Variants in RBFOX1 observed in about 807,000 individuals in gnomAD.
RBFOX1 encodes RNA binding protein fox-1 homolog 1.
In RBFOX1, 8 loss-of-function variants were observed where a neutral mutation model predicts 57.7. The ratio of observed to expected loss-of-function variants is 0.14; its 90% confidence interval spans 0.08 to 0.25. The LOEUF (loss-of-function observed/expected upper bound fraction) is 0.25, where lower values mean the gene tolerates loss of function less well. Ranked by LOEUF, RBFOX1 falls within the 10% of genes least tolerant of loss-of-function variation. The pLI is 1.00. For missense variants in RBFOX1, 611 were observed against 548.5 expected (o/e 1.11, Z -1.14); for synonymous variants, 326 against 222.4 (o/e 1.47, Z -4.15).
At chr16:5,288,190 C>G (rs1476135508) in intron 1 of RBFOX1, among the ~76,000 whole-genome samples, 1 of 152,174 alleles carries the variant, frequency 6.6e-6, no homozygotes, top group Non-Finnish European at 1.5e-5. Context: ...GCCCAGGAAG[C>G]AAATCAGTTG....
In RBFOX1 at chr16:7,029,099, C is replaced by T. The variant is rs867233542; in HGVS notation, c.-15-22958C>T. 7.8e-3 allele frequency among the ~76,000 whole-genome samples: 628 copies of T among 80,730 alleles called. 67 individuals carry two copies. Among genetic ancestry groups the T allele is most frequent in the African/African-American group, 0.04 (587 of 14,624 alleles). The allele number at this position is 80,730 out of a possible 152,430, so 53.0% of individuals were successfully genotyped here. On this transcript the variant is annotated intron_variant, in intron 3 of 15. Coordinates refer to ENST00000550418, the MANE Select transcript of RBFOX1 (RefSeq NM_018723.4). ...ATATATATACACACACACACACACA[C>T]ACACACACACACACACACACACATA...
At chr16:6,260,393 A>T (rs2097694567) in intron 1 of RBFOX1, among the ~76,000 whole-genome samples, 1 of 152,050 alleles carries the variant, frequency 6.6e-6, no homozygotes, top group African/African-American at 2.4e-5. Flanking sequence ...TGACCCCAAA[A>T]TGTTGCAGCC....
In RBFOX1 at chr16:6,693,368, A is replaced by G. The variant is rs563408131; in HGVS notation, c.-16+38718A>G. On this transcript the variant is annotated intron_variant, in intron 3 of 15. Coordinates refer to ENST00000550418, the MANE Select transcript of RBFOX1 (RefSeq NM_018723.4). The stretch of plus-strand genomic sequence containing the variant: ...ACTAGCATCACCGCCATCATCATCA[A>G]CATCATCCTACTCCACTAGAATCAC... 1.7e-4 allele frequency among the ~76,000 whole-genome samples: 26 copies of G among 150,040 alleles called. No homozygotes were observed. In the South Asian group the frequency reaches 4.2e-3, roughly 24 times the overall value.
At chr16:6,763,520 T>G (rs917790802) in intron 3 of RBFOX1, among the ~76,000 whole-genome samples, 2 of 152,224 alleles carry the variant, frequency 1.3e-5, no homozygotes, top group African/African-American at 2.4e-5. Context: ...CCTGGTTGAC[T>G]TGGGTTATAG....
rs187149105 is a variant in RBFOX1, at chr16:7,027,787, A to C, written c.-15-24270A>C. Reference sequence around the variant, plus strand: ...TACAGCTTGCATTTTTTTTTATTTTAAACAAGAAAAGGAAGAAATAAATGA... The same window carrying C: ...TACAGCTTGCATTTTTTTTTATTTTCAACAAGAAAAGGAAGAAATAAATGA... On this transcript the variant is annotated intron_variant, in intron 3 of 15. Coordinates refer to ENST00000550418, the MANE Select transcript of RBFOX1 (RefSeq NM_018723.4). 5.9e-3 allele frequency among the ~76,000 whole-genome samples: 901 copies of C among 151,980 alleles called. 7 individuals are homozygous for C. Among genetic ancestry groups the C allele is most frequent in the Non-Finnish European group, 0.01 (705 of 67,970 alleles).
chr16:5,785,044 G>A (rs920555677), intron 3 of RBFOX1, among the ~76,000 whole-genome samples: 4 of 152,290 alleles, frequency 2.6e-5, no homozygotes, highest in Admixed American at 6.5e-5. Context: ...TGTCAACATT[G>A]TTAGCCATCC....
intron 1 of RBFOX1, among the ~76,000 whole-genome samples, chr16:6,258,823 A>T (rs990114530): frequency 9.9e-5 from 15 of 152,194 alleles, no homozygotes; most frequent in African/African-American, 3.6e-4. Flanking sequence ...ATTTTACATG[A>T]CGTGATTATT....
At chr16:7,568,583 G>A (rs2092390795) in intron 5 of RBFOX1, among the ~76,000 whole-genome samples, 1 of 152,166 alleles carries the variant, frequency 6.6e-6, no homozygotes, top group Non-Finnish European at 1.5e-5. Flanking sequence ...ATCTCATCCT[G>A]TGACTTAGAT....
At position 7,330,504 on chromosome 16, in the gene RBFOX1, GTGTGTT is replaced by G. The variant is rs1343943103; in HGVS notation, c.28-187637_28-187632del. 6.7e-3 allele frequency among the ~76,000 whole-genome samples: 530 copies of G among 79,278 alleles called. 6 individuals carry two copies. The highest frequency in any genetic ancestry group is 0.046 in the Middle Eastern group (7 of 152). The allele number at this position is 79,278 out of a possible 152,430, so 52.0% of individuals were successfully genotyped here. A position where few individuals can be genotyped will look rare whatever the true frequency, so the allele number is the denominator to read the frequency against. ...TGTGTGTGTGTGTGTGTGTGTGTGT[GTGTGTT>G]TGTGTGTGTGTGTGTAGAGAGAGAG... is the stretch of plus-strand genomic sequence containing the variant. On this transcript the variant is annotated intron_variant, in intron 4 of 15. Transcript: ENST00000550418.
intron 2 of RBFOX1, among the ~76,000 whole-genome samples, chr16:6,454,410 A>G (rs957095188): frequency 7.9e-5 from 12 of 152,118 alleles, no homozygotes; most frequent in Non-Finnish European, 1.5e-5. Flanking sequence ...TACAAAAATT[A>G]GCTGGGTGTG....
At chr16:6,023,779 C>G (rs773319221) in intron 1 of RBFOX1, among the ~76,000 whole-genome samples, 4 of 152,166 alleles carry the variant, frequency 2.6e-5, no homozygotes, top group Non-Finnish European at 5.9e-5. Context: ...TCACATTTAC[C>G]CACAGTGTCG....
chr16:5,307,334 T>G (rs2063964537), intron 1 of RBFOX1, among the ~76,000 whole-genome samples: 1 of 152,220 alleles, frequency 6.6e-6, no homozygotes, highest in Admixed American at 6.5e-5. Flanking sequence ...CACACCCACC[T>G]GCCCAGTATT....
intron 2 of RBFOX1, among the ~76,000 whole-genome samples, chr16:6,506,104 C>T (rs1388289178): frequency 3.3e-5 from 5 of 152,166 alleles, no homozygotes; most frequent in Admixed American, 6.5e-5. Context: ...ACATGCCCTA[C>T]TAAGAAAGTG....
chr16:7,058,374 G>C (rs541572775), intron 4 of RBFOX1, among the ~76,000 whole-genome samples: 11 of 152,092 alleles, frequency 7.2e-5, no homozygotes, highest in African/African-American at 2.7e-4. Flanking sequence ...TCCAGCCCCA[G>C]AGCATCTCTT....
chr16:5,660,628 T>C lies in RBFOX1; in HGVS notation c.318+61667T>C, dbSNP rs1264664407. 3.3e-5 allele frequency among the ~76,000 whole-genome samples: 5 copies of C among 152,216 alleles called. No homozygotes were observed. The South Asian group carries it at 1.0e-3, about 32-fold the overall frequency. On this transcript the variant is annotated intron_variant, in intron 3 of 19. Coordinates refer to the RBFOX1 transcript ENST00000641259. ...GCTCTGTTTAGATAATTTTCACATT[T>C]CTTTCTCTGCACAGTTCATTATTTT...
intron 2 of RBFOX1, among the ~76,000 whole-genome samples, chr16:6,423,070 C>G (rs1002805560): frequency 6.6e-6 from 1 of 152,188 alleles, no homozygotes; most frequent in African/African-American, 2.4e-5. Context: ...TGATGGGCAG[C>G]TAGGTTGATT....
At chr16:7,354,978 A>G (rs2097189722) in intron 4 of RBFOX1, among the ~76,000 whole-genome samples, 1 of 152,200 alleles carries the variant, frequency 6.6e-6, no homozygotes, top group Admixed American at 6.5e-5. Context: ...AACATGACAA[A>G]TAATGATTAT....
chr16:5,751,250 A>C (rs2053188356), intron 3 of RBFOX1, among the ~76,000 whole-genome samples: 1 of 152,078 alleles, frequency 6.6e-6, no homozygotes, highest in Admixed American at 6.6e-5. Context: ...GTGATTATGA[A>C]GTTTCTTCTC....
rs1232916286 is a variant in RBFOX1 at position 6,926,522 on chromosome 16, G to T, written c.-15-125535G>T. Among the ~76,000 whole-genome samples the T allele has an allele frequency of 2.0e-5, 3 of 152,254 alleles. No homozygotes were observed. The South Asian group carries it at 6.2e-4, about 32-fold the overall frequency. ...TTTGTAGCGGTGTTATAGGCTGCAG[G>T]CCAGGGAGAGGCTTTCTGGAAAATT... On this transcript the variant is annotated intron_variant, in intron 3 of 15. Transcript: ENST00000550418.
Sources: gnomAD v4.1 joint callset for allele counts (sites outside exome capture counted in the v4.1 genomes callset) on GRCh38, gnomAD v4.1.1 for gene constraint, MANE v1.5 for transcripts, NCBI Gene and HGNC (gene_info 2026-07-23, HGNC 2026-07-21) for gene names.